The following PEAK1 variants were observed in gnomAD, a reference collection of about 807,000 sequenced individuals.
The protein encoded by PEAK1 is inactive tyrosine-protein kinase PEAK1.
Under a neutral mutation model 124.7 loss-of-function variants are expected in PEAK1, and 54 were observed. The ratio of observed to expected loss-of-function variants is 0.43; its 90% confidence interval spans 0.35 to 0.54. The LOEUF (loss-of-function observed/expected upper bound fraction) is 0.54. Ranked by LOEUF, PEAK1 falls within the 20% of genes least tolerant of loss-of-function variation. The pLI is 0.01. For synonymous variants in PEAK1, 719 were observed against 760.0 expected (o/e 0.95, Z 0.89); for missense variants, 2,046 against 2,134.5 (o/e 0.96, Z 0.82).
At chr15:77,129,958 G>A (rs941567976) in intron 9 of PEAK1, among the ~76,000 whole-genome samples, 2 of 152,136 alleles carry the variant, frequency 1.3e-5, no homozygotes, top group Non-Finnish European at 2.9e-5. Context: ...AATCAATTGG[G>A]CACTTCTGGC....
intron 6 of PEAK1, among the ~76,000 whole-genome samples, chr15:77,235,893 T>C (rs1175639357): frequency 1.3e-5 from 2 of 152,238 alleles, no homozygotes. Flanking sequence ...GCCTGAGCCA[T>C]TGCTTCAGAG....
At chr15:77,247,955 A>C (rs1049538066) in intron 6 of PEAK1, among the ~76,000 whole-genome samples, 1 of 152,164 alleles carries the variant, frequency 6.6e-6, no homozygotes, top group Non-Finnish European at 1.5e-5. Context: ...TGATATCACA[A>C]TACTACTAAT....
At chr15:77,398,691 C>T (rs573959278) in intron 1 of PEAK1, among the ~76,000 whole-genome samples, 2 of 152,298 alleles carry the variant, frequency 1.3e-5, no homozygotes, top group East Asian at 1.9e-4. Context: ...AAAACCTCTC[C>T]TCTAAGGTCT....
Position 77,179,152 on chromosome 15 carries a change from C to A in PEAK1, c.2775G>T (p.Trp925Cys). 1 of 1,614,124 alleles carries A rather than the reference C, an allele frequency of 6.2e-7. No individual in the cohort carries two copies. Among genetic ancestry groups the A allele is most frequent in the Non-Finnish European group, 8.5e-7 (1 of 1,180,030 alleles). The change falls in exon 7 of 10, where the codon TGG (tryptophan) becomes TGT (cysteine). Residue 925 changes from tryptophan (W) to cysteine (C), a missense_variant. Physicochemically the swap from Trp to Cys is radical, Grantham distance 215. Transcript: ENST00000682557. Reference sequence around the variant, plus strand: ...GGCGGAAGAAGCTTTTAAATGATATCCAGCGCTTAGGTTTTGCATCAGCTG... The same window carrying A: ...GGCGGAAGAAGCTTTTAAATGATATACAGCGCTTAGGTTTTGCATCAGCTG... ...RRAADAKPKR[W>C]ISFKSFFRRR...
chr15:77,130,326 T>C (rs2052751904), intron 9 of PEAK1, among the ~76,000 whole-genome samples: 1 of 152,216 alleles, frequency 6.6e-6, no homozygotes, highest in African/African-American at 2.4e-5. Context: ...AGCTCTTAAG[T>C]GCTATATAGA....
At chr15:77,142,649 G>A (rs2053877683) in intron 8 of PEAK1, among the ~76,000 whole-genome samples, 1 of 152,204 alleles carries the variant, frequency 6.6e-6, no homozygotes, top group South Asian at 2.1e-4. Context: ...AAGTACTGAT[G>A]TATGTATGCT....
intron 6 of PEAK1, among the ~76,000 whole-genome samples, chr15:77,247,503 T>G (rs2060650880): frequency 7.0e-6 from 1 of 142,336 alleles, no homozygotes; most frequent in South Asian, 2.3e-4. Flanking sequence ...TTTTTTTTTT[T>G]TTTGAGACAG....
intron 9 of PEAK1, among the ~76,000 whole-genome samples, chr15:77,117,965 T>A (rs1053150697): frequency 2.0e-5 from 3 of 152,200 alleles, no homozygotes; most frequent in African/African-American, 7.2e-5. Flanking sequence ...ACAATAAGAA[T>A]TTATGTTTAG....
At chr15:77,282,208 A>G (rs1024575715) in intron 5 of PEAK1, among the ~76,000 whole-genome samples, 3 of 151,926 alleles carry the variant, frequency 2.0e-5, no homozygotes, top group African/African-American at 7.2e-5. Flanking sequence ...CCTTATTGCC[A>G]TCCTGAGGTT....
At chr15:77,319,750 C>A (rs866346369) in intron 2 of PEAK1, among the ~76,000 whole-genome samples, 3 of 152,272 alleles carry the variant, frequency 2.0e-5, no homozygotes, top group Middle Eastern at 6.8e-3. Context: ...AGTTCTACCC[C>A]ACAAGGCTAT....
intron 6 of PEAK1, among the ~76,000 whole-genome samples, chr15:77,201,074 C>T (rs1046914729): frequency 5.9e-5 from 9 of 151,930 alleles, no homozygotes; most frequent in Admixed American, 5.9e-4. Flanking sequence ...ACATGTCATA[C>T]ACTAAATGCA....
chr15:77,403,114 C>T, intron 1 of PEAK1: 3 of 985,264 alleles, frequency 3.0e-6, no homozygotes, highest in Non-Finnish European at 3.6e-6. Flanking sequence ...AAATTGGAGC[C>T]TTTTCTGGTT....
At chr15:77,138,293 C>G (rs369681399) in intron 8 of PEAK1, among the ~76,000 whole-genome samples, 10 of 152,128 alleles carry the variant, frequency 6.6e-5, no homozygotes, top group East Asian at 1.9e-4. Context: ...ATGAAAGGAG[C>G]CTGCAGGACT....
chr15:77,378,205 T>TATAC (rs910556542), intron 1 of PEAK1, among the ~76,000 whole-genome samples: 2 of 130,694 alleles, frequency 1.5e-5, no homozygotes, highest in East Asian at 4.1e-4. Context: ...TATATATATA[T>TATAC]ATACATAATC....
chr15:77,257,097 G>A (rs1001530253), intron 5 of PEAK1, among the ~76,000 whole-genome samples: 73 of 152,108 alleles, frequency 4.8e-4, no homozygotes, highest in African/African-American at 1.6e-3. Flanking sequence ...TGGTGCATAC[G>A]TGTCACATTT....
chr15:77,289,902 G>C (rs541604919), intron 2 of PEAK1, among the ~76,000 whole-genome samples: 1 of 152,224 alleles, frequency 6.6e-6, no homozygotes, highest in Admixed American at 6.5e-5. Flanking sequence ...AATCTATGAG[G>C]TATTTCCATG....
At chr15:77,283,226 T>C (rs1008244326) in intron 5 of PEAK1, among the ~76,000 whole-genome samples, 8 of 152,218 alleles carry the variant, frequency 5.3e-5, no homozygotes, top group African/African-American at 1.9e-4. Context: ...TTTTGTTGTA[T>C]ATCAACTCCA....
intron 5 of PEAK1, among the ~76,000 whole-genome samples, chr15:77,282,434 T>C (rs779951957): frequency 3.9e-5 from 6 of 152,202 alleles, no homozygotes; most frequent in Non-Finnish European, 8.8e-5. Context: ...AATTTCTTTA[T>C]TGAAATAGTT....
chr15:77,180,262 A>G lies in PEAK1; in HGVS notation c.1665T>C (p.Thr555=), dbSNP rs368750266. The G allele has an allele frequency of 2.2e-5, 36 of 1,614,110 alleles. No homozygotes were observed. Among genetic ancestry groups the G allele is most frequent in the Non-Finnish European group, 2.8e-5 (33 of 1,180,044 alleles). ...TTTTCCTTGGAGGAACATTTGGTCC[A>G]GTTCCACTAGTAATTAGTTCTACTT... is the stretch of plus-strand genomic sequence containing the variant. ...IPKVELITSG[T]GPNVPPRKNC... The change falls in exon 7 of 10, where the codon ACT becomes ACC. Residue 555 remains threonine, a synonymous_variant. Coordinates refer to ENST00000682557, the MANE Select transcript of PEAK1 (RefSeq NM_001385026.1).
Sources: allele counts gnomAD v4.1 joint callset (sites outside exome capture counted in the v4.1 genomes callset), GRCh38; gene constraint gnomAD v4.1.1; transcripts MANE v1.5; gene names NCBI Gene and HGNC (gene_info 2026-07-23, HGNC 2026-07-21).